ABCC1: variants seen among roughly 807,000 people sequenced by gnomAD.
The protein encoded by ABCC1 is ATP binding cassette subfamily C member 1 (ABCC1 blood group), also known as multidrug resistance-associated protein 1.
Under a neutral mutation model 172.9 loss-of-function variants are expected in ABCC1, and 83 were observed. That is an observed-to-expected ratio of 0.48 (90% CI 0.40 to 0.58). The LOEUF (loss-of-function observed/expected upper bound fraction) is 0.58. Among genes scored for constraint, ABCC1 ranks in the 20% least tolerant of loss-of-function variants. The pLI, the probability that ABCC1 is intolerant of heterozygous loss-of-function variation, is 0.00. For synonymous variants in ABCC1, 937 were observed against 825.2 expected (o/e 1.14, Z -2.32); for missense variants, 1,817 against 2,002.7 (o/e 0.91, Z 1.77).
At chr16:16,096,237 C>CAA (rs199610563) in intron 19 of ABCC1, among the ~76,000 whole-genome samples, 5 of 148,912 alleles carry the variant, frequency 3.4e-5, no homozygotes, top group African/African-American at 1.2e-4. Flanking sequence ...AAAAAAAAAA[C>CAA]AAAAAAACAA....
chr16:15,966,102 G>T (rs1333935363), intron 1 of ABCC1, among the ~76,000 whole-genome samples: 1 of 152,076 alleles, frequency 6.6e-6, no homozygotes, highest in Non-Finnish European at 1.5e-5. Flanking sequence ...ATTATTCAGA[G>T]TGGACGATGG....
chr16:16,008,405 G>A (rs554614086), intron 2 of ABCC1, among the ~76,000 whole-genome samples: 1 of 151,792 alleles, frequency 6.6e-6, no homozygotes, highest in Non-Finnish European at 1.5e-5. Flanking sequence ...GGGACTTGCT[G>A]TGTTGCCCGG....
chr16:16,025,230 ATTAT>A (rs147414895), intron 5 of ABCC1, among the ~76,000 whole-genome samples: 1,816 of 152,208 alleles, frequency 0.012, 42 homozygotes, highest in African/African-American at 0.042. Context: ...GGTGCACTGT[ATTAT>A]TTATTTAGTC....
At chr16:16,026,257 C>A (rs1316311154) in intron 5 of ABCC1, among the ~76,000 whole-genome samples, 1 of 151,118 alleles carries the variant, frequency 6.6e-6, no homozygotes, top group African/African-American at 2.4e-5. Context: ...CATGATAAAA[C>A]CCCCGTCTGT....
chr16:16,037,154 G>C (rs1454287678), intron 7 of ABCC1, among the ~76,000 whole-genome samples: 1 of 151,922 alleles, frequency 6.6e-6, no homozygotes, highest in Non-Finnish European at 1.5e-5. Context: ...GATGCTGTCT[G>C]CCATGGCGCG....
chr16:16,029,513 T>C (rs2048490519), intron 5 of ABCC1, among the ~76,000 whole-genome samples: 1 of 152,208 alleles, frequency 6.6e-6, no homozygotes, highest in Non-Finnish European at 1.5e-5. Flanking sequence ...TGTGAGCCAC[T>C]GCGCCCAGCT....
chr16:16,121,300 C>T (rs1331389114), intron 23 of ABCC1, among the ~76,000 whole-genome samples: 2 of 152,210 alleles, frequency 1.3e-5, no homozygotes, highest in South Asian at 4.1e-4. Context: ...CCTCTGCCTC[C>T]TGAAGTGCGG....
intron 18 of ABCC1, among the ~76,000 whole-genome samples, chr16:16,089,892 A>G (rs1340697248): frequency 1.3e-5 from 2 of 152,078 alleles, no homozygotes; most frequent in Non-Finnish European, 1.5e-5. Context: ...AAAAAAAAAA[A>G]AAAAGCCATT....
At position 16,134,253 on chromosome 16, in the gene ABCC1, CTG is replaced by C. The variant is rs769977347; in HGVS notation, c.3967-96_3967-95del. The stretch of plus-strand genomic sequence containing the variant: ...CTGTCGAGTTGGGTTGACCAGATGA[CTG>C]ATGCCTGAGGTGGGGCCGAGATGAG... On this transcript the variant is annotated intron_variant, in intron 27 of 30. Coordinates refer to ENST00000399410, the MANE Select transcript of ABCC1 (RefSeq NM_004996.4). 107 of 1,488,974 alleles carry C rather than the reference CTG, an allele frequency of 7.2e-5. 1 individual carries two copies. The Middle Eastern group carries it at 4.1e-3, about 57-fold the overall frequency. 92.2% of individuals were successfully genotyped at this position (1,488,974 alleles called of 1,614,324 possible). A position where few individuals can be genotyped will look rare whatever the true frequency, so the allele number is the denominator to read the frequency against.
In ABCC1 at chr16:16,102,636, G is replaced by C. The variant is rs376361536; in HGVS notation, c.2654G>C (p.Gly885Ala). The C allele has an allele frequency of 6.3e-7, 1 of 1,581,828 alleles. No individual in the cohort carries two copies. Among genetic ancestry groups the C allele is most frequent in the South Asian group, 1.2e-5 (1 of 86,210 alleles). The part of the protein sequence containing the change: ...EQDAEENGVT[G>A]VSGPGKEAKQ... ...GTCTCTCTTCTGCCAGGGGTCACGG[G>C]CGTCAGCGGTCCAGGGAAGGAAGCA... Residue 885 changes from glycine to alanine, a missense_variant, in exon 20 of 31, where the codon GGC (glycine) becomes GCC (alanine). By Grantham distance (60) the Gly-to-Ala change is moderately conservative. Transcript: ENST00000399410.
At chr16:15,990,335 T>C (rs986486197) in intron 1 of ABCC1, among the ~76,000 whole-genome samples, 1 of 152,138 alleles carries the variant, frequency 6.6e-6, no homozygotes, top group Non-Finnish European at 1.5e-5. Flanking sequence ...GCATGAGCCA[T>C]CACACCCGGC....
chr16:15,999,776 T>C (rs919936257), intron 1 of ABCC1, among the ~76,000 whole-genome samples: 4 of 23,672 alleles, frequency 1.7e-4, no homozygotes, highest in Admixed American at 5.1e-4. Context: ...TCTTTCTCTC[T>C]CTCTCTCTCT....
intron 5 of ABCC1, among the ~76,000 whole-genome samples, chr16:16,019,003 A>G (rs1192416701): frequency 6.6e-6 from 1 of 151,900 alleles, no homozygotes; most frequent in Non-Finnish European, 1.5e-5. Context: ...TGGCTGTTAT[A>G]TGTATTGTGT....
Position 15,961,805 on chromosome 16 carries a change from A to G in ABCC1, c.48+12006A>G, listed in dbSNP as rs1372645508. Among the ~76,000 whole-genome samples, 28 of 145,912 alleles carry G rather than the reference A, an allele frequency of 1.9e-4. 1 individual carries two copies. The South Asian group carries it at 5.5e-3, about 29-fold the overall frequency. ...TTTTTTTTTTTTAAACAAGCCACGC[A>G]TTTGCCTGTTAAATGGCTGAGCCAT... is the stretch of plus-strand genomic sequence containing the variant. On this transcript the variant is annotated intron_variant, in intron 1 of 30. Coordinates refer to ENST00000399410, the MANE Select transcript of ABCC1 (RefSeq NM_004996.4).
chr16:16,033,288 G>C (rs879688073), intron 6 of ABCC1, 118 bp downstream of exon 6: 122 of 1,012,814 alleles, frequency 1.2e-4, no homozygotes, highest in Admixed American at 1.0e-4. Context: ...CTCTTCTGCA[G>C]AGTTGTCTTG....
At chr16:16,036,861 T>G (rs948739383) in intron 7 of ABCC1, among the ~76,000 whole-genome samples, 1 of 152,200 alleles carries the variant, frequency 6.6e-6, no homozygotes, top group African/African-American at 2.4e-5. Context: ...ATCCCAGCAC[T>G]TTGGGAGGCC....
intron 20 of ABCC1, 102 bp downstream of exon 20, chr16:16,102,819 G>T: frequency 1.8e-6 from 2 of 1,135,372 alleles, no homozygotes; most frequent in South Asian, 1.5e-5. Context: ...GGTCCTGGAA[G>T]GCCTGGGCTT....
chr16:15,980,954 C>A (rs955450427), intron 1 of ABCC1, among the ~76,000 whole-genome samples: 1 of 152,200 alleles, frequency 6.6e-6, no homozygotes, highest in Non-Finnish European at 1.5e-5. Flanking sequence ...TACACCCATT[C>A]CAAATGGGAA....
chr16:16,068,717 C>T (rs1431275159), intron 13 of ABCC1, among the ~76,000 whole-genome samples: 2 of 151,788 alleles, frequency 1.3e-5, no homozygotes, highest in South Asian at 2.1e-4. Context: ...CCGGGCGCGG[C>T]GGCTCATGCC....
Sources: allele counts gnomAD v4.1 joint callset (sites outside exome capture counted in the v4.1 genomes callset), GRCh38; gene constraint gnomAD v4.1.1; transcripts MANE v1.5; gene names NCBI Gene and HGNC (gene_info 2026-07-23, HGNC 2026-07-21).